The following MTUS2 variants were observed in gnomAD, a reference collection of about 807,000 sequenced individuals.
MTUS2 encodes microtubule associated scaffold protein 2, also known as microtubule-associated tumor suppressor candidate 2.
Under a neutral mutation model 114.1 loss-of-function variants are expected in MTUS2, and 40 were observed. The observed-to-expected ratio is 0.35, with a 90% CI of 0.27 to 0.46. The LOEUF (loss-of-function observed/expected upper bound fraction) is 0.46, where lower values mean the gene tolerates loss of function less well. Ranked by LOEUF, MTUS2 falls within the 20% of genes least tolerant of loss-of-function variation. MTUS2 has a pLI of 1.00. For missense variants in MTUS2, 1,679 were observed against 1,705.4 expected, an observed-to-expected ratio of 0.98 and a Z score of 0.27; for synonymous variants, 688 against 672.0, an observed-to-expected ratio of 1.02 and a Z score of -0.37.
intron 5 of MTUS2, among the ~76,000 whole-genome samples, chr13:29,112,316 G>A (rs1890913579): frequency 6.6e-6 from 1 of 152,124 alleles, no homozygotes; most frequent in South Asian, 2.1e-4. Flanking sequence ...GACACGACCA[G>A]CATCACCAAA....
At chr13:28,962,990 A>G (rs1223750192) in intron 2 of MTUS2, among the ~76,000 whole-genome samples, 2 of 152,098 alleles carry the variant, frequency 1.3e-5, no homozygotes, top group Non-Finnish European at 2.9e-5. Context: ...TCATAAACAT[A>G]CTGTAATTGA....
intron 5 of MTUS2, among the ~76,000 whole-genome samples, chr13:29,266,508 G>T (rs1370092674): frequency 6.6e-6 from 1 of 152,138 alleles, no homozygotes; most frequent in Non-Finnish European, 1.5e-5. Context: ...TGCTTTGGCA[G>T]AAATTATCCC....
rs576767992 is a variant in MTUS2 at position 28,968,191 on chromosome 13, A to T, written c.-242-56266A>T. On this transcript the variant is annotated intron_variant, in intron 2 of 15. Coordinates refer to ENST00000612955, the MANE Select transcript of MTUS2 (RefSeq NM_001033602.4). The stretch of plus-strand genomic sequence containing the variant: ...TTTTTTCATAAAAGTTAGTTTTAAA[A>T]ATTTATTTTTAACGTTTGCATTTTT... Among the ~76,000 whole-genome samples, 52 of 152,306 alleles carry T rather than the reference A, an allele frequency of 3.4e-4. No individual in the cohort carries two copies. In the Middle Eastern group the frequency reaches 0.01, roughly 30 times the overall value.
intron 5 of MTUS2, among the ~76,000 whole-genome samples, chr13:29,208,029 G>C (rs1210430768): frequency 6.6e-6 from 1 of 152,078 alleles, no homozygotes; most frequent in Non-Finnish European, 1.5e-5. Context: ...ATTTCTCATA[G>C]AATTCAACTG....
chr13:29,235,643 C>T (rs988663481), intron 5 of MTUS2, among the ~76,000 whole-genome samples: 1 of 151,752 alleles, frequency 6.6e-6, no homozygotes, highest in Admixed American at 6.6e-5. Context: ...CCTTTTTTTT[C>T]AATCAAGAAT....
intron 9 of MTUS2, among the ~76,000 whole-genome samples, chr13:29,471,944 G>T (rs1240179067): frequency 4.6e-5 from 7 of 152,128 alleles, no homozygotes; most frequent in Non-Finnish European, 1.0e-4. Flanking sequence ...TGGTCACCAG[G>T]CCCGAGAGAT....
At chr13:28,941,321 G>A (rs1251461894) in intron 2 of MTUS2, among the ~76,000 whole-genome samples, 1 of 151,924 alleles carries the variant, frequency 6.6e-6, no homozygotes, top group Non-Finnish European at 1.5e-5. Flanking sequence ...CTGTATATAT[G>A]TGTTTATACA....
chr13:29,009,264 A>G (rs1481160345), intron 2 of MTUS2, among the ~76,000 whole-genome samples: 1 of 152,124 alleles, frequency 6.6e-6, no homozygotes, highest in Non-Finnish European at 1.5e-5. Context: ...GCACAGCCAT[A>G]TAATGGAATA....
At position 29,490,984 on chromosome 13, in the gene MTUS2, G is replaced by GGTGTGTGTGT. The variant is rs1355941235; in HGVS notation, c.3506-1662_3506-1661insGTGTGTGTGT. ...TGGTATAGCTGAATGTAGAAGTGTGGATGTGTGTGTGTGTGTGTGTGTGGT... is the reference window on the plus strand; with the variant it reads ...TGGTATAGCTGAATGTAGAAGTGTGGGTGTGTGTGTATGTGTGTGTGTGTGTGTGTGTGGT... On this transcript the variant is annotated intron_variant, in intron 11 of 15. Transcript: ENST00000612955. Among the ~76,000 whole-genome samples the GGTGTGTGTGT allele has an allele frequency of 1.5e-4, 6 of 39,068 alleles. No homozygotes were observed. The East Asian group carries it at 6.4e-3, about 42-fold the overall frequency. The allele number at this position is 39,068 out of a possible 152,430, so 25.6% of individuals were successfully genotyped here.
chr13:28,970,598 G>A (rs1461326033), intron 2 of MTUS2, among the ~76,000 whole-genome samples: 4 of 152,320 alleles, frequency 2.6e-5, no homozygotes, highest in African/African-American at 4.8e-5. Context: ...ATTAGAACAG[G>A]AAGAAAAGTA....
At chr13:29,202,121 C>T (rs914776372) in intron 5 of MTUS2, among the ~76,000 whole-genome samples, 3 of 151,964 alleles carry the variant, frequency 2.0e-5, no homozygotes, top group Non-Finnish European at 4.4e-5. Flanking sequence ...TTCCATTCTC[C>T]CCATCACTTT....
At chr13:28,944,028 G>T (rs559193926) in intron 2 of MTUS2, among the ~76,000 whole-genome samples, 1 of 151,750 alleles carries the variant, frequency 6.6e-6, no homozygotes, top group Non-Finnish European at 1.5e-5. Flanking sequence ...AGATTTTTAC[G>T]TAGGCAAGTC....
intron 2 of MTUS2, among the ~76,000 whole-genome samples, chr13:28,892,702 C>A (rs1371030801): frequency 6.6e-6 from 1 of 152,090 alleles, no homozygotes. Flanking sequence ...TTCTCTTTCC[C>A]TTATCTCCTG....
chr13:29,259,009 A>G (rs1897372943), intron 5 of MTUS2, among the ~76,000 whole-genome samples: 1 of 152,172 alleles, frequency 6.6e-6, no homozygotes, highest in Non-Finnish European at 1.5e-5. Context: ...CAGCATATCA[A>G]CCTTAGTTTA....
At chr13:28,903,304 G>A (rs1423037321) in intron 2 of MTUS2, among the ~76,000 whole-genome samples, 1 of 151,482 alleles carries the variant, frequency 6.6e-6, no homozygotes, top group Non-Finnish European at 1.5e-5. Flanking sequence ...GGGTACATGT[G>A]CACAATGTGC....
intron 8 of MTUS2, among the ~76,000 whole-genome samples, chr13:29,422,223 T>G (rs1319394565): frequency 6.6e-6 from 1 of 152,178 alleles, no homozygotes; most frequent in Non-Finnish European, 1.5e-5. Flanking sequence ...GACATAAGCT[T>G]TAGAGTTAGA....
chr13:28,824,277 A>G (rs1470547566), intron 1 of MTUS2, among the ~76,000 whole-genome samples: 6 of 152,216 alleles, frequency 3.9e-5, no homozygotes, highest in Non-Finnish European at 8.8e-5. Context: ...CCTTTGAGAT[A>G]TATGTGTATC....
intron 1 of MTUS2, among the ~76,000 whole-genome samples, chr13:28,826,113 AATTG>A (rs1383422712): frequency 2.6e-5 from 4 of 152,200 alleles, no homozygotes; most frequent in African/African-American, 7.2e-5. Flanking sequence ...TATAACCAAT[AATTG>A]ATATATAGAA....
chr13:29,432,344 G>A (rs75652755), intron 8 of MTUS2, among the ~76,000 whole-genome samples: 1,942 of 152,180 alleles, frequency 0.013, 19 homozygotes, highest in Non-Finnish European at 0.02. Flanking sequence ...AGCTCTACAT[G>A]CACAGAAACT....
Sources: allele counts gnomAD v4.1 joint callset (sites outside exome capture counted in the v4.1 genomes callset), GRCh38; gene constraint gnomAD v4.1.1; transcripts MANE v1.5; gene names NCBI Gene and HGNC (gene_info 2026-07-23, HGNC 2026-07-21).